Variants in CC2D2B observed in about 807,000 individuals in gnomAD.
CC2D2B encodes protein CC2D2B.
A neutral mutation model predicts 161.2 loss-of-function variants in CC2D2B; 128 were observed. That is an observed-to-expected ratio of 0.79 (90% CI 0.69 to 0.92). CC2D2B has a LOEUF of 0.92. Ranked by LOEUF, CC2D2B falls within the 40% of genes least tolerant of loss-of-function variation. The pLI is 0.00. For synonymous variants in CC2D2B, 391 were observed against 449.8 expected, an observed-to-expected ratio of 0.87 and a Z score of 1.65; for missense variants, 1,173 against 1,375.1, an observed-to-expected ratio of 0.85 and a Z score of 2.32.
intron 10 of CC2D2B, among the ~76,000 whole-genome samples, chr10:95,954,835 C>T (rs2076519989): frequency 6.6e-6 from 1 of 152,112 alleles, no homozygotes; most frequent in Non-Finnish European, 1.5e-5. Context: ...CCAACTGTGA[C>T]AGACGTCTCC....
At chr10:96,025,253 A>G (rs2079713494) in intron 33 of CC2D2B, among the ~76,000 whole-genome samples, 1 of 127,756 alleles carries the variant, frequency 7.8e-6, no homozygotes, top group African/African-American at 3.0e-5. Context: ...CTGTAATCTC[A>G]GTGACTAAGA....
chr10:96,025,520 G>A (rs1053103242), intron 33 of CC2D2B, among the ~76,000 whole-genome samples: 6 of 152,076 alleles, frequency 3.9e-5, no homozygotes, highest in Admixed American at 3.3e-4. Flanking sequence ...TCTCAACATA[G>A]ATGCCTGTTG....
chr10:95,975,642 G>T (rs2077286813), intron 17 of CC2D2B, among the ~76,000 whole-genome samples: 1 of 152,186 alleles, frequency 6.6e-6, no homozygotes, highest in African/African-American at 2.4e-5. Context: ...TATCAAACCA[G>T]AACCCAAGTG....
At position 95,937,935 on chromosome 10, in the gene CC2D2B, A is replaced by T; in HGVS notation, c.337-56A>T. On this transcript the variant is annotated intron_variant, in intron 6 of 34. Transcript: ENST00000646931. ...GTTCCAGTACATTTCATTTATTTGC[A>T]TATTAATCATTGGAGACAAGCATGT... The T allele has an allele frequency of 2.9e-6, 3 of 1,020,360 alleles. No homozygotes were observed. In the South Asian group the frequency reaches 4.4e-5, roughly 15 times the overall value. The allele number at this position is 1,020,360 out of a possible 1,614,324, so 63.2% of individuals were successfully genotyped here.
chr10:96,006,805 G>T (rs2078767701), intron 25 of CC2D2B, among the ~76,000 whole-genome samples: 4 of 152,100 alleles, frequency 2.6e-5, no homozygotes. Flanking sequence ...TTAACCATCA[G>T]AGTGCCTGGC....
intron 1 of CC2D2B, among the ~76,000 whole-genome samples, chr10:95,908,773 AC>A: frequency 6.6e-6 from 1 of 151,502 alleles, no homozygotes; most frequent in East Asian, 1.9e-4. Flanking sequence ...TGAATAAAAA[AC>A]ATTACAGTAC....
chr10:96,021,007 C>G (rs1189787075), intron 32 of CC2D2B: 1 of 152,164 alleles, frequency 6.6e-6, no homozygotes, highest in Non-Finnish European at 1.5e-5. Context: ...CCACTGCACT[C>G]CAGCCTAGGA....
At chr10:95,925,213 T>C (rs1415536791) in intron 5 of CC2D2B, among the ~76,000 whole-genome samples, 1 of 151,954 alleles carries the variant, frequency 6.6e-6, no homozygotes, top group African/African-American at 2.4e-5. Flanking sequence ...CGAAAGGGCA[T>C]GCAGGGAAAA....
At chr10:95,965,262 G>A (rs1418581518) in intron 12 of CC2D2B, among the ~76,000 whole-genome samples, 1 of 152,000 alleles carries the variant, frequency 6.6e-6, no homozygotes, top group Non-Finnish European at 1.5e-5. Flanking sequence ...AATAAAAGAG[G>A]AATAATAGTA....
At chr10:96,013,164 A>G (rs182188769) in intron 28 of CC2D2B, among the ~76,000 whole-genome samples, 14 of 152,304 alleles carry the variant, frequency 9.2e-5, no homozygotes, top group Admixed American at 5.9e-4. Flanking sequence ...ACATCAGTTC[A>G]TGAACTTTCT....
intron 34 of CC2D2B, 39 bp downstream of exon 34, chr10:96,027,428 A>G: frequency 7.1e-7 from 1 of 1,408,596 alleles, no homozygotes; most frequent in Admixed American, 2.5e-5. Context: ...CATTTGTTTT[A>G]TATATGTTGT....
At position 96,025,146 on chromosome 10, in the gene CC2D2B, T is replaced by TA. The variant is rs58200004; in HGVS notation, c.3947+244dup. ...CAACATAGGGAGACGTCATCTCTAC[T>TA]AAAAAAAAATATATATATATATATA... On this transcript the variant is annotated intron_variant, in intron 33 of 34. Coordinates refer to ENST00000646931, the MANE Select transcript of CC2D2B (RefSeq NM_001349008.3). Among the ~76,000 whole-genome samples the TA allele has an allele frequency of 5.4e-3, 160 of 29,718 alleles. 19 individuals carry two copies. The East Asian group carries it at 0.075, about 14-fold the overall frequency. 19.5% of individuals were successfully genotyped at this position (29,718 alleles called of 152,430 possible). A position where few individuals can be genotyped will look rare whatever the true frequency, so the allele number is the denominator to read the frequency against.
At chr10:95,982,867 G>A (rs534363286) in intron 18 of CC2D2B, among the ~76,000 whole-genome samples, 1 of 152,190 alleles carries the variant, frequency 6.6e-6, no homozygotes, top group East Asian at 1.9e-4. Flanking sequence ...CGCCTCCCAG[G>A]TTCCGGCAAT....
intron 10 of CC2D2B, among the ~76,000 whole-genome samples, chr10:95,951,625 G>C (rs1369414050): frequency 6.6e-6 from 1 of 152,092 alleles, no homozygotes; most frequent in Non-Finnish European, 1.5e-5. Context: ...TTAAAATGCA[G>C]ATCATTTAAA....
intron 18 of CC2D2B, 141 bp downstream of exon 18, chr10:95,982,254 C>A: frequency 6.4e-6 from 3 of 468,052 alleles, no homozygotes; most frequent in Non-Finnish European, 1.0e-5. Context: ...GGACAGAGAC[C>A]ATTTTCAACC....
chr10:95,914,340 T>C (rs541657500), intron 2 of CC2D2B, among the ~76,000 whole-genome samples: 1 of 152,312 alleles, frequency 6.6e-6, no homozygotes, highest in East Asian at 1.9e-4. Flanking sequence ...CGTGTGTGTG[T>C]GTATTTTAAT....
At chr10:95,959,663 C>A (rs2076695733) in intron 11 of CC2D2B, among the ~76,000 whole-genome samples, 1 of 151,746 alleles carries the variant, frequency 6.6e-6, no homozygotes, top group Non-Finnish European at 1.5e-5. Context: ...ACATTATAAC[C>A]AAATTTGGAT....
chr10:96,032,226 G>A lies in CC2D2B; in HGVS notation c.*218G>A. The A allele has an allele frequency of 2.1e-6, 1 of 485,256 alleles. No individual in the cohort carries two copies. The highest frequency in any genetic ancestry group is 3.9e-5 in the South Asian group (1 of 25,936). 30.1% of individuals were successfully genotyped at this position (485,256 alleles called of 1,614,324 possible). ...GAGCTTCTCACCAGAGACCTCTCCA[G>A]GAAGGACCTTTGGATAGTCTGGCTT... On this transcript the variant is annotated 3_prime_UTR_variant, in exon 35 of 35. Transcript: ENST00000646931.
intron 6 of CC2D2B, among the ~76,000 whole-genome samples, chr10:95,928,628 A>C (rs2098543969): frequency 6.6e-6 from 1 of 151,270 alleles, no homozygotes; most frequent in South Asian, 2.1e-4. Flanking sequence ...TCATTGTTCA[A>C]CTCCTACTTA....
Sources: gnomAD v4.1 joint callset for allele counts (sites outside exome capture counted in the v4.1 genomes callset) on GRCh38, gnomAD v4.1.1 for gene constraint, MANE v1.5 for transcripts, NCBI Gene and HGNC (gene_info 2026-07-23, HGNC 2026-07-21) for gene names.